Variants in ANO2 observed in about 807,000 individuals in gnomAD.
ANO2 encodes the protein anoctamin 2, also known as anoctamin-2.
ANO2 carries 101 observed loss-of-function variants against 124.2 expected under a neutral mutation model. The observed-to-expected ratio is 0.81, with a 90% CI of 0.69 to 0.96. ANO2 has a LOEUF of 0.96. ANO2 is among the 40% of genes least tolerant of loss of function. The pLI is 0.00. For synonymous variants in ANO2, 486 were observed against 482.5 expected (o/e 1.01, Z -0.09); for missense variants, 1,293 against 1,274.5 (o/e 1.01, Z -0.22).
At chr12:5,669,629 TGCTTCCA>T (rs1947893905) in intron 14 of ANO2, among the ~76,000 whole-genome samples, 1 of 152,208 alleles carries the variant, frequency 6.6e-6, no homozygotes, top group South Asian at 2.1e-4. Flanking sequence ...TCAAGGGGAA[TGCTTCCA>T]GCTTTTGCCC....
chr12:5,867,778 G>GAAAAA (rs10622876), intron 3 of ANO2, among the ~76,000 whole-genome samples: 20 of 78,536 alleles, frequency 2.5e-4, no homozygotes, highest in Middle Eastern at 0.013. Context: ...GCACTATAAT[G>GAAAAA]AAAAAAAAAA....
chr12:5,920,982 G>C, intron 3 of ANO2, 58 bp downstream of exon 3: 2 of 1,543,832 alleles, frequency 1.3e-6, no homozygotes, highest in South Asian at 2.4e-5. Context: ...TGCTCACTAG[G>C]AGCCCGGTTC....
At chr12:5,592,065 C>T (rs1206915621) in intron 20 of ANO2, among the ~76,000 whole-genome samples, 1 of 152,140 alleles carries the variant, frequency 6.6e-6, no homozygotes, top group African/African-American at 2.4e-5. Flanking sequence ...TCATTTTGGT[C>T]TTAGGAGACT....
Position 5,744,226 on chromosome 12 carries a change from TC to T in ANO2, c.1281del (p.Thr428ProfsTer44), listed in dbSNP as rs1441692905. On this transcript the variant is annotated frameshift_variant, in exon 12 of 25. Transcript: ENST00000682330. LOFTEE classifies it high-confidence loss of function. Reference protein sequence around the residue: ...CDYWNLSSACGTAQASHLFDN... With the variant: ...CDYWNLSSACXTAQASHLFDN... ...TCAAACAGGTGGCTGGCCTGCGCGG[TC>T]CCACAGGCTGAGCTGAGGTTCCAGT... The T allele has an allele frequency of 1.3e-5, 21 of 1,612,782 alleles. No individual in the cohort carries two copies. The highest frequency in any genetic ancestry group is 1.8e-5 in the Non-Finnish European group (21 of 1,179,860).
At chr12:5,813,020 GA>G (rs1565689097) in intron 7 of ANO2, among the ~76,000 whole-genome samples, 4 of 138,032 alleles carry the variant, frequency 2.9e-5, no homozygotes, top group South Asian at 4.6e-4. Context: ...GAGAGAGAAA[GA>G]AAAAAAGAAA....
At position 5,908,915 on chromosome 12, in the gene ANO2, T is replaced by C. The variant is rs955206617; in HGVS notation, c.534+12125A>G. Among the ~76,000 whole-genome samples the C allele has an allele frequency of 1.3e-5, 2 of 152,222 alleles. No homozygotes were observed. The highest frequency in any genetic ancestry group is 6.5e-5 in the Admixed American group (1 of 15,278). ...CAGGAGCATTATCTCCTCTGGAGAA[T>C]GGCCTTCACTCCACACAGAATCATG... On this transcript the variant is annotated intron_variant, in intron 3 of 24. Transcript: ENST00000682330. This position sits in a 1 kb window ranked among gnomAD's most constrained non-coding sequence, Gnocchi z 4.7.
At chr12:5,928,002 A>G (rs1432196008) in intron 1 of ANO2, among the ~76,000 whole-genome samples, 2 of 152,198 alleles carry the variant, frequency 1.3e-5, no homozygotes, top group African/African-American at 4.8e-5. Context: ...AAAGCCAAGG[A>G]GACCAGGAGA....
intron 14 of ANO2, among the ~76,000 whole-genome samples, chr12:5,695,375 T>TAAAAAAAAAAAAAAAAAAA (rs78967769): frequency 7.8e-6 from 1 of 127,822 alleles, no homozygotes; most frequent in Non-Finnish European, 1.7e-5. Flanking sequence ...ACATGGAACT[T>TAAAAAAAAAAAAAAAAAAA]AAAAAAAAAA....
intron 2 of ANO2, 27 bp downstream of exon 2, chr12:5,922,593 C>T: frequency 6.8e-7 from 1 of 1,468,112 alleles, no homozygotes; most frequent in Non-Finnish European, 9.1e-7. Context: ...GGCCTATCCC[C>T]CCACCCCACC....
At position 5,787,456 on chromosome 12, in the gene ANO2, G is replaced by A. The variant is rs139039493; in HGVS notation, c.1055+12051C>T. ...CCAGCAGTGGGGCATACACATGGTG[G>A]AGAAGCCAGACTCAGGAGTTCAGAT... On this transcript the variant is annotated intron_variant, in intron 10 of 24. Coordinates refer to ENST00000682330, the MANE Select transcript of ANO2 (RefSeq NM_001364791.2). This position sits in a 1 kb window ranked among gnomAD's most constrained non-coding sequence, Gnocchi z 4.2. Among the ~76,000 whole-genome samples the A allele has an allele frequency of 8.7e-4, 133 of 152,296 alleles. No individual in the cohort carries two copies. Among genetic ancestry groups the A allele is most frequent in the African/African-American group, 2.6e-3 (110 of 41,574 alleles).
intron 23 of ANO2, among the ~76,000 whole-genome samples, chr12:5,566,256 A>C (rs1053190367): frequency 2.6e-5 from 4 of 152,188 alleles, no homozygotes; most frequent in Non-Finnish European, 5.9e-5. Flanking sequence ...GTCATTAAGC[A>C]TCACAGTTGA....
intron 14 of ANO2, among the ~76,000 whole-genome samples, chr12:5,666,525 T>A (rs1430547239): frequency 6.6e-6 from 1 of 152,214 alleles, no homozygotes; most frequent in Non-Finnish European, 1.5e-5. Context: ...TCTGCCATTA[T>A]TTATCTGCTG....
intron 3 of ANO2, among the ~76,000 whole-genome samples, chr12:5,879,418 C>T (rs780235399): frequency 7.9e-5 from 12 of 152,118 alleles, no homozygotes; most frequent in East Asian, 3.8e-4. Context: ...TCTTAGGGAA[C>T]GGTATAGTCA....
chr12:5,796,973 G>A (rs3782652), intron 10 of ANO2, among the ~76,000 whole-genome samples: 58,489 of 152,108 alleles, frequency 0.38, 13,873 homozygotes, highest in East Asian at 0.61. Flanking sequence ...GAAGCTTGGC[G>A]CTAAAAATGA....
At chr12:5,805,929 G>A (rs898238452) in intron 9 of ANO2, 123 bp downstream of exon 9, 3 of 941,876 alleles carry the variant, frequency 3.2e-6, no homozygotes, top group South Asian at 1.9e-5. Context: ...GGGGGGAGCT[G>A]GTAAAATTGT....
chr12:5,786,170 C>A (rs531780522), intron 10 of ANO2, among the ~76,000 whole-genome samples: 2 of 152,094 alleles, frequency 1.3e-5, no homozygotes, highest in African/African-American at 2.4e-5. Flanking sequence ...ACTTGACCCC[C>A]CTGTGAGATC....
At chr12:5,685,605 G>A (rs1309804216) in intron 14 of ANO2, among the ~76,000 whole-genome samples, 6 of 152,150 alleles carry the variant, frequency 3.9e-5, no homozygotes, top group East Asian at 1.9e-4. Context: ...GCAACATGGC[G>A]AAATGCTGCC....
At chr12:5,946,025 C>T, upstream of ANO2, 1 of 1,142,604 alleles carries the variant, frequency 8.8e-7, no homozygotes, top group Non-Finnish European at 1.3e-6. This position sits in a 1 kb window ranked among gnomAD's most constrained non-coding sequence, Gnocchi z 4.1. Flanking sequence ...CTCCAAAGGG[C>T]CCTTCTGCAC....
chr12:5,750,630 G>T (rs955043249), intron 11 of ANO2, among the ~76,000 whole-genome samples: 1 of 152,232 alleles, frequency 6.6e-6, no homozygotes, highest in Non-Finnish European at 1.5e-5. Flanking sequence ...GAGGAAGTAG[G>T]CCTCGCCTAG....
Sources: allele counts gnomAD v4.1 joint callset (sites outside exome capture counted in the v4.1 genomes callset), GRCh38; gene constraint gnomAD v4.1.1; non-coding constraint Gnocchi (gnomAD v3.1); transcripts MANE v1.5; gene names NCBI Gene and HGNC (gene_info 2026-07-23, HGNC 2026-07-21).